LDAH: variants seen among roughly 807,000 people sequenced by gnomAD.
LDAH encodes the protein lipid droplet associated hydrolase, also known as lipid droplet-associated hydrolase.
In LDAH, 26 loss-of-function variants were observed where a neutral mutation model predicts 29.6. That is an observed-to-expected ratio of 0.88 (90% CI 0.64 to 1.22). LDAH has a LOEUF of 1.22. Among genes scored for constraint, LDAH ranks in the 50% most tolerant of loss-of-function variants. The pLI, the probability that LDAH is intolerant of heterozygous loss-of-function variation, is 0.00. For synonymous variants in LDAH, 117 were observed against 133.0 expected (o/e 0.88, Z 0.83); for missense variants, 344 against 387.3 (o/e 0.89, Z 0.94).
intron 4 of LDAH, among the ~76,000 whole-genome samples, chr2:20,755,731 G>A (rs73241166): frequency 3.2e-4 from 49 of 152,284 alleles, no homozygotes; most frequent in African/African-American, 1.2e-3. Context: ...CACAGAAAAA[G>A]GCAGGGGAAA....
intron 4 of LDAH, 52 bp from the exon 5 acceptor site, chr2:20,740,257 A>T: frequency 8.3e-7 from 1 of 1,199,762 alleles, no homozygotes; most frequent in Non-Finnish European, 1.2e-6. Context: ...GGATAGGTCC[A>T]TTACTTATTG....
chr2:20,808,669 A>C (rs1672257493), intron 1 of LDAH, among the ~76,000 whole-genome samples: 1 of 152,124 alleles, frequency 6.6e-6, no homozygotes. Context: ...AAAAAAAAAA[A>C]AAAAAGAATA....
At chr2:20,713,595 T>C (rs1212563135) in intron 5 of LDAH, among the ~76,000 whole-genome samples, 2 of 152,144 alleles carry the variant, frequency 1.3e-5, no homozygotes, top group African/African-American at 4.8e-5. Context: ...GACTGGCAAA[T>C]TGGATAGAGT....
chr2:20,720,605 A>C (rs1019448016), intron 5 of LDAH, among the ~76,000 whole-genome samples: 4 of 152,148 alleles, frequency 2.6e-5, no homozygotes, highest in Non-Finnish European at 5.9e-5. Flanking sequence ...TGCTTCACAG[A>C]AATGGAGAAA....
chr2:20,700,626 T>C (rs1434438740), intron 6 of LDAH, among the ~76,000 whole-genome samples: 1 of 152,158 alleles, frequency 6.6e-6, no homozygotes, highest in Non-Finnish European at 1.5e-5. Flanking sequence ...GCACCAATTG[T>C]AAAGTTTAAG....
intron 4 of LDAH, among the ~76,000 whole-genome samples, chr2:20,761,740 C>T (rs1391860841): frequency 1.3e-5 from 2 of 152,042 alleles, no homozygotes; most frequent in African/African-American, 4.8e-5. Context: ...CCCCCCATTA[C>T]ATAATATACT....
intron 6 of LDAH, among the ~76,000 whole-genome samples, chr2:20,696,687 A>G (rs1016430303): frequency 2.6e-5 from 4 of 152,044 alleles, no homozygotes; most frequent in African/African-American, 9.7e-5. Context: ...TGAGACATGC[A>G]TCCCTTATGG....
chr2:20,779,299 T>C (rs1480362274), intron 3 of LDAH, among the ~76,000 whole-genome samples: 3 of 152,016 alleles, frequency 2.0e-5, no homozygotes, highest in African/African-American at 7.3e-5. Context: ...GAGGTGAACA[T>C]TGAGAACACA....
At chr2:20,804,765 T>C (rs1671948891) in intron 1 of LDAH, among the ~76,000 whole-genome samples, 1 of 152,120 alleles carries the variant, frequency 6.6e-6, no homozygotes, top group African/African-American at 2.4e-5. Flanking sequence ...TAACCAAAAG[T>C]CCAAAACTGA....
At chr2:20,804,469 A>G (rs1427723933) in intron 1 of LDAH, among the ~76,000 whole-genome samples, 2 of 152,246 alleles carry the variant, frequency 1.3e-5, no homozygotes, top group African/African-American at 4.8e-5. Context: ...ATGCTTAATT[A>G]TGATAACCCA....
chr2:20,778,303 G>A (rs1034331498), intron 3 of LDAH, among the ~76,000 whole-genome samples: 2 of 152,046 alleles, frequency 1.3e-5, no homozygotes, highest in African/African-American at 4.8e-5. Flanking sequence ...CTCACCTAAC[G>A]GTTCTAGAGT....
intron 6 of LDAH, among the ~76,000 whole-genome samples, chr2:20,693,466 A>G (rs1663187628): frequency 6.6e-6 from 1 of 152,162 alleles, no homozygotes; most frequent in Non-Finnish European, 1.5e-5. Flanking sequence ...AAAAATGTAC[A>G]TGTCATATTC....
At chr2:20,771,533 T>G (rs1669416670) in intron 4 of LDAH, among the ~76,000 whole-genome samples, 1 of 152,272 alleles carries the variant, frequency 6.6e-6, no homozygotes. Flanking sequence ...ACTTCAGGCA[T>G]GCAGGCACTG....
chr2:20,792,930 G>A (rs977253413), intron 2 of LDAH, among the ~76,000 whole-genome samples: 6 of 152,028 alleles, frequency 3.9e-5, no homozygotes, highest in African/African-American at 1.4e-4. Flanking sequence ...TTTAAATGAG[G>A]AAGAATAAAT....
intron 6 of LDAH, among the ~76,000 whole-genome samples, chr2:20,697,418 C>G (rs937596140): frequency 6.6e-6 from 1 of 152,234 alleles, no homozygotes; most frequent in Non-Finnish European, 1.5e-5. Flanking sequence ...TTATACCACA[C>G]ATTTGCCCTC....
chr2:20,813,320 G>A lies in LDAH; in HGVS notation c.-3+9717C>T, dbSNP rs370069768. On this transcript the variant is annotated intron_variant, in intron 1 of 6. Transcript: ENST00000237822. ...AGCATTTATGTATTTTTTCATGAAT[G>A]AGTTGCCAGTGTTTGACAAATAGTA... Among the ~76,000 whole-genome samples the A allele has an allele frequency of 1.3e-3, 205 of 152,156 alleles. 3 individuals are homozygous for A. The South Asian group carries it at 0.037, about 28-fold the overall frequency.
intron 5 of LDAH, among the ~76,000 whole-genome samples, chr2:20,736,188 T>G (rs1238791082): frequency 6.6e-6 from 1 of 152,172 alleles, no homozygotes; most frequent in African/African-American, 2.4e-5. Flanking sequence ...ACGCCTGTAA[T>G]CCCAGCATTT....
chr2:20,698,403 C>T lies in LDAH; in HGVS notation c.786+3167G>A, dbSNP rs570300375. Among the ~76,000 whole-genome samples the T allele has an allele frequency of 5.8e-4, 88 of 152,236 alleles. No homozygotes were observed. The highest frequency in any genetic ancestry group is 2.1e-3 in the African/African-American group (86 of 41,548). On this transcript the variant is annotated intron_variant, in intron 6 of 6. Transcript: ENST00000237822. This position sits in a 1 kb window ranked among gnomAD's most constrained non-coding sequence, Gnocchi z 4.4. ...GGATTTAGTCAAATGACAAAATAACCTATAGGCCGGGCGCAGTGGCTCATG... is the reference window on the plus strand; with the variant it reads ...GGATTTAGTCAAATGACAAAATAACTTATAGGCCGGGCGCAGTGGCTCATG...
chr2:20,735,742 G>A (rs913053893), intron 5 of LDAH, among the ~76,000 whole-genome samples: 3 of 152,104 alleles, frequency 2.0e-5, no homozygotes, highest in African/African-American at 4.8e-5. Context: ...CTATGGCCAC[G>A]TAGGGTAGAG....
Sources: gnomAD v4.1 joint callset for allele counts (sites outside exome capture counted in the v4.1 genomes callset) on GRCh38, gnomAD v4.1.1 for gene constraint, Gnocchi (gnomAD v3.1) non-coding constraint, MANE v1.5 for transcripts, NCBI Gene and HGNC (gene_info 2026-07-23, HGNC 2026-07-21) for gene names.